Variants in GRIK1 observed in about 807,000 individuals in gnomAD.
GRIK1 encodes glutamate ionotropic receptor kainate type subunit 1, also known as glutamate receptor ionotropic, kainate 1.
GRIK1 carries 69 observed loss-of-function variants against 105.7 expected under a neutral mutation model. The ratio of observed to expected loss-of-function variants is 0.65; its 90% CI spans 0.54 to 0.80. The LOEUF is 0.80. Ranked by LOEUF, GRIK1 falls within the 30% of genes least tolerant of loss-of-function variation. The pLI, the probability that GRIK1 is intolerant of heterozygous loss-of-function variation, is 0.00. For synonymous variants in GRIK1, 438 were observed against 431.3 expected (o/e 1.02, Z -0.19); for missense variants, 1,109 against 1,167.3 (o/e 0.95, Z 0.73).
intron 4 of GRIK1, among the ~76,000 whole-genome samples, chr21:29,661,286 G>A (rs1179885213): frequency 6.6e-6 from 1 of 152,174 alleles, no homozygotes; most frequent in Non-Finnish European, 1.5e-5. Flanking sequence ...GTTCTCTAAA[G>A]ATGTCTACGT....
chr21:29,797,647 G>A (rs1263419058), intron 1 of GRIK1, among the ~76,000 whole-genome samples: 1 of 152,116 alleles, frequency 6.6e-6, no homozygotes, highest in East Asian at 1.9e-4. Flanking sequence ...TAATAAAAAT[G>A]TTGAATTTGC....
intron 1 of GRIK1, among the ~76,000 whole-genome samples, chr21:29,717,970 A>G (rs545430847): frequency 6.6e-6 from 1 of 152,184 alleles, no homozygotes; most frequent in South Asian, 2.1e-4. Context: ...CTATGCTGTT[A>G]TCATGTTAGT....
intron 1 of GRIK1, among the ~76,000 whole-genome samples, chr21:29,861,055 G>A (rs1394865835): frequency 6.6e-6 from 1 of 151,290 alleles, no homozygotes; most frequent in Non-Finnish European, 1.5e-5. Context: ...TTACGTATGT[G>A]ACTCACTTTT....
chr21:29,860,748 T>A (rs1307133994), intron 1 of GRIK1, among the ~76,000 whole-genome samples: 1 of 151,998 alleles, frequency 6.6e-6, no homozygotes, highest in Non-Finnish European at 1.5e-5. Flanking sequence ...AATTGTAGAG[T>A]GAAAGAAGCA....
chr21:29,712,123 C>CACACACACACAT (rs1491324595), intron 1 of GRIK1, among the ~76,000 whole-genome samples: 205 of 147,116 alleles, frequency 1.4e-3, no homozygotes, highest in African/African-American at 5.0e-3. Context: ...CACACACACA[C>CACACACACACAT]ATATATATAG....
At chr21:29,701,961 T>C (rs1173827955) in intron 1 of GRIK1, among the ~76,000 whole-genome samples, 1 of 152,120 alleles carries the variant, frequency 6.6e-6, no homozygotes, top group East Asian at 1.9e-4. Flanking sequence ...ATGCAGGAGG[T>C]ACTTGACTTG....
chr21:29,719,015 C>T lies in GRIK1; in HGVS notation c.119-24952G>A, dbSNP rs144465372. ...CAAAATAGATTTGACTTTGGAGATA[C>T]AGAAATGCACAGAATTCATGTCCTT... On this transcript the variant is annotated intron_variant, in intron 1 of 17. Coordinates refer to ENST00000327783, the MANE Select transcript of GRIK1 (RefSeq NM_001330994.2). 3.0e-3 allele frequency among the ~76,000 whole-genome samples: 461 copies of T among 151,274 alleles called. 3 individuals carry two copies. Among genetic ancestry groups the T allele is most frequent in the South Asian group, 0.018 (86 of 4,780 alleles).
chr21:29,825,793 T>A (rs766292489), intron 1 of GRIK1, among the ~76,000 whole-genome samples: 2 of 152,134 alleles, frequency 1.3e-5, no homozygotes, highest in Non-Finnish European at 2.9e-5. Flanking sequence ...CTTTACATAA[T>A]TTTTAAGTCT....
intron 1 of GRIK1, among the ~76,000 whole-genome samples, chr21:29,783,587 C>T (rs1327717494): frequency 1.3e-5 from 2 of 152,004 alleles, no homozygotes; most frequent in African/African-American, 4.8e-5. Context: ...TAAAATTTTT[C>T]AATCCATATC....
chr21:29,790,369 A>G (rs562620727), intron 1 of GRIK1, among the ~76,000 whole-genome samples: 14 of 151,786 alleles, frequency 9.2e-5, no homozygotes, highest in Non-Finnish European at 2.1e-4. Flanking sequence ...ATTATATTTG[A>G]GATACATATT....
chr21:29,813,801 T>G (rs1311856964), intron 1 of GRIK1, among the ~76,000 whole-genome samples: 1 of 152,014 alleles, frequency 6.6e-6, no homozygotes, highest in South Asian at 2.1e-4. Context: ...CAAACCAGAT[T>G]CATAATCATC....
At chr21:29,647,148 G>A (rs1245245095) in intron 6 of GRIK1, among the ~76,000 whole-genome samples, 1 of 152,108 alleles carries the variant, frequency 6.6e-6, no homozygotes, top group Non-Finnish European at 1.5e-5. Context: ...CCAGCCTCTT[G>A]TTCTTTTATT....
At chr21:29,777,193 G>A (rs79551034) in intron 1 of GRIK1, among the ~76,000 whole-genome samples, 1,695 of 152,224 alleles carry the variant, frequency 0.011, 34 homozygotes, top group East Asian at 0.052. Flanking sequence ...GGTGACTCTC[G>A]TGAGGATTGG....
chr21:29,729,937 A>G (rs2064570501), intron 1 of GRIK1, among the ~76,000 whole-genome samples: 1 of 152,180 alleles, frequency 6.6e-6, no homozygotes, highest in Non-Finnish European at 1.5e-5. Flanking sequence ...CCGATTTTCA[A>G]CTTCTAATCT....
chr21:29,886,760 A>G (rs375839464), intron 1 of GRIK1, among the ~76,000 whole-genome samples: 1 of 152,292 alleles, frequency 6.6e-6, no homozygotes, highest in South Asian at 2.1e-4. Flanking sequence ...GGCAAATTTG[A>G]CAGCCAAATA....
At chr21:29,862,782 T>A (rs2068688449) in intron 1 of GRIK1, among the ~76,000 whole-genome samples, 2 of 152,212 alleles carry the variant, frequency 1.3e-5, no homozygotes, top group Non-Finnish European at 1.5e-5. Flanking sequence ...TAAAGACAGA[T>A]CAGTCAAATG....
Position 29,537,838 on chromosome 21 carries a change from CT to C in GRIK1, c.2653del (p.Arg885GlyfsTer12). 2 of 1,531,446 alleles carry C rather than the reference CT, an allele frequency of 1.3e-6. No homozygotes were observed. Among genetic ancestry groups the C allele is most frequent in the Non-Finnish European group, 1.8e-6 (2 of 1,107,904 alleles). The allele number at this position is 1,531,446 out of a possible 1,614,324, so 94.9% of individuals were successfully genotyped here. On this transcript the variant is annotated frameshift_variant, in exon 17 of 18. Coordinates refer to ENST00000327783, the MANE Select transcript of GRIK1 (RefSeq NM_001330994.2). LOFTEE classifies it high-confidence loss of function. The stretch of plus-strand genomic sequence containing the variant: ...GCTTTGTTTTTTTCTCCCATGAAAC[CT>C]TACTTTGTTCCTAAAATAAAATCTA... ...RIRFYFRNKV[R>X]FHGRKKQSLG...
intron 1 of GRIK1, among the ~76,000 whole-genome samples, chr21:29,746,144 T>C (rs1270661263): frequency 6.6e-6 from 1 of 152,134 alleles, no homozygotes; most frequent in Non-Finnish European, 1.5e-5. Context: ...AGAGAAGAGC[T>C]ACACATAGCA....
rs865940674 is a variant in GRIK1 at position 29,689,661 on chromosome 21, T to G, written c.544+67A>C. On this transcript the variant is annotated intron_variant, in intron 3 of 17. Transcript: ENST00000327783. ...CTCCATCTGATGAGTTTAATGACTA[T>G]TTGATACTTTCGTTCTGTTTGTTCA... 2.5e-5 allele frequency: 35 copies of G among 1,415,236 alleles called. No individual in the cohort carries two copies. The South Asian group carries it at 3.8e-4, about 15-fold the overall frequency. 87.7% of individuals were successfully genotyped at this position (1,415,236 alleles called of 1,614,324 possible).
Sources: allele counts gnomAD v4.1 joint callset (sites outside exome capture counted in the v4.1 genomes callset), GRCh38; gene constraint gnomAD v4.1.1; transcripts MANE v1.5; gene names NCBI Gene and HGNC (gene_info 2026-07-23, HGNC 2026-07-21).